DBT: variants seen among roughly 807,000 people sequenced by gnomAD.
DBT encodes the protein dihydrolipoamide branched chain transacylase E2.
A neutral mutation model predicts 51.3 loss-of-function variants in DBT; 40 were observed. That is an observed-to-expected ratio of 0.78 (90% CI 0.61 to 1.02). The LOEUF (loss-of-function observed/expected upper bound fraction) is 1.02. Among genes scored for constraint, DBT ranks in the 50% least tolerant of loss-of-function variants. The pLI is 0.00. For synonymous variants in DBT, 181 were observed against 190.4 expected (o/e 0.95, Z 0.41); for missense variants, 510 against 580.2 (o/e 0.88, Z 1.24).
At chr1:100,236,503 G>T (rs753977644) in intron 2 of DBT, among the ~76,000 whole-genome samples, 1 of 152,062 alleles carries the variant, frequency 6.6e-6, no homozygotes, top group African/African-American at 2.4e-5. Context: ...AGTTAAATTA[G>T]TAATAAAAAA....
Position 100,202,809 on chromosome 1 carries a change from T to A in DBT, c.1281+3421A>T, listed in dbSNP as rs1022612014. On this transcript the variant is annotated intron_variant, in intron 10 of 10. Coordinates refer to ENST00000370132, the MANE Select transcript of DBT (RefSeq NM_001918.5). ...ACCACACAACTACATGGAAACTAAA[T>A]AACTTGCTCTTGAATGACTGCTGGG... 6.6e-5 allele frequency among the ~76,000 whole-genome samples: 10 copies of A among 152,218 alleles called. 1 individual carries two copies. Among genetic ancestry groups the A allele is most frequent in the Non-Finnish European group, 1.3e-4 (9 of 67,998 alleles).
At chr1:100,246,044 A>G (rs1460746127) in intron 1 of DBT, among the ~76,000 whole-genome samples, 1 of 152,142 alleles carries the variant, frequency 6.6e-6, no homozygotes, top group Non-Finnish European at 1.5e-5. Context: ...CAGGTGGATC[A>G]CGAGGTCAAG....
Position 100,191,380 on chromosome 1 carries a change from T to C in DBT, c.*4875A>G, listed in dbSNP as rs1026371336. On this transcript the variant is annotated 3_prime_UTR_variant, in exon 11 of 11. Coordinates refer to ENST00000370132, the MANE Select transcript of DBT (RefSeq NM_001918.5). ...TGTAACAAACAGCTTCACAGTTTAA[T>C]AGTATCTTATGTATTTGCCTTCCAC... 3 of 152,210 alleles carry C rather than the reference T, an allele frequency of 2.0e-5. No individual in the cohort carries two copies. The highest frequency in any genetic ancestry group is 7.2e-5 in the African/African-American group (3 of 41,448). The allele number at this position is 152,210 out of a possible 1,614,324, so 9.4% of individuals were successfully genotyped here.
At chr1:100,217,754 A>T (rs10875281) in intron 5 of DBT, among the ~76,000 whole-genome samples, 120,909 of 152,204 alleles carry the variant, frequency 0.79, 49,493 homozygotes, top group East Asian at 0.95. Context: ...GGTTTTAGAT[A>T]AGTTAATCAA....
intron 8 of DBT, among the ~76,000 whole-genome samples, chr1:100,210,335 A>AAT (rs1477112260): frequency 7.9e-6 from 1 of 127,382 alleles, no homozygotes; most frequent in Non-Finnish European, 1.8e-5. Context: ...TAAGAAGAAG[A>AAT]AGAAGAAGAA....
intron 8 of DBT, among the ~76,000 whole-genome samples, chr1:100,210,122 G>A (rs1570810533): frequency 6.6e-6 from 1 of 151,768 alleles, no homozygotes; most frequent in Non-Finnish European, 1.5e-5. Flanking sequence ...ACCAGCCTGG[G>A]CAACATAATG....
At chr1:100,219,275 C>T (rs1662689801) in intron 4 of DBT, among the ~76,000 whole-genome samples, 1 of 152,000 alleles carries the variant, frequency 6.6e-6, no homozygotes, top group Non-Finnish European at 1.5e-5. Context: ...TTGCTTGAGC[C>T]CAGGAGGTCG....
chr1:100,206,258 A>G lies in DBT; in HGVS notation c.1253T>C (p.Val418Ala). ...FAKPVIMPPEVAIGALGSIKA... is the reference protein window; with the variant it reads ...FAKPVIMPPEAAIGALGSIKA... ...AATTGATCCAAGGGCCCCAATGGCT[A>G]CTTCAGGTGGCATTATCACTGGTTT... Residue 418 changes from valine (V) to alanine (A), a missense_variant, in exon 10 of 11, where the codon GTA (valine) becomes GCA (alanine). Coordinates refer to ENST00000370132, the MANE Select transcript of DBT (RefSeq NM_001918.5). 1.9e-6 allele frequency: 3 copies of G among 1,613,174 alleles called. No individual in the cohort carries two copies. Among genetic ancestry groups the G allele is most frequent in the Non-Finnish European group, 2.5e-6 (3 of 1,179,492 alleles).
intron 1 of DBT, among the ~76,000 whole-genome samples, chr1:100,243,733 C>T (rs1426114506): frequency 6.6e-6 from 1 of 152,002 alleles, no homozygotes; most frequent in African/African-American, 2.4e-5. Flanking sequence ...GGTCACACAG[C>T]AAATAAGTGG....
rs184852864 is a variant in DBT at position 100,223,620 on chromosome 1, C to G, written c.434-4873G>C. On this transcript the variant is annotated intron_variant, in intron 4 of 10. Coordinates refer to ENST00000370132, the MANE Select transcript of DBT (RefSeq NM_001918.5). Reference sequence around the variant, plus strand: ...TAGCTGGGACTACAGGTGTGCTCCACCACACTTGGCTAATTTTTAAAATTT... The same window carrying G: ...TAGCTGGGACTACAGGTGTGCTCCAGCACACTTGGCTAATTTTTAAAATTT... 2.7e-4 allele frequency among the ~76,000 whole-genome samples: 41 copies of G among 152,286 alleles called. 1 individual carries two copies. Among genetic ancestry groups the G allele is most frequent in the East Asian group, 1.2e-3 (6 of 5,188 alleles).
intron 4 of DBT, among the ~76,000 whole-genome samples, chr1:100,222,936 C>G (rs1455924284): frequency 6.6e-6 from 1 of 152,212 alleles, no homozygotes; most frequent in East Asian, 1.9e-4. Flanking sequence ...TATTTACACT[C>G]TCAATCAGCT....
chr1:100,244,574 G>A (rs1462739575), intron 1 of DBT, among the ~76,000 whole-genome samples: 1 of 152,052 alleles, frequency 6.6e-6, no homozygotes, highest in Non-Finnish European at 1.5e-5. Context: ...TATGTGCAGT[G>A]GACACGTTCA....
chr1:100,197,919 T>C (rs1428567827), intron 10 of DBT, among the ~76,000 whole-genome samples: 2 of 152,198 alleles, frequency 1.3e-5, no homozygotes, highest in African/African-American at 2.4e-5. Flanking sequence ...AATTAAATAC[T>C]ATTTGTCCCT....
rs1192649053 is a variant in DBT, at chr1:100,194,144, G to A, written c.*2111C>T. On this transcript the variant is annotated 3_prime_UTR_variant, in exon 11 of 11. Coordinates refer to ENST00000370132, the MANE Select transcript of DBT (RefSeq NM_001918.5). ...TATTATCTGAAATTTTACAACAACA[G>A]CATTTATTTGACCTGTTTTTTTTAT... 1 of 151,974 alleles carries A rather than the reference G, an allele frequency of 6.6e-6. No individual in the cohort carries two copies. The highest frequency in any genetic ancestry group is 2.4e-5 in the African/African-American group (1 of 41,390). 9.4% of individuals were successfully genotyped at this position (151,974 alleles called of 1,614,324 possible).
At chr1:100,225,696 A>G (rs1663154065) in intron 4 of DBT, among the ~76,000 whole-genome samples, 1 of 151,978 alleles carries the variant, frequency 6.6e-6, no homozygotes, top group African/African-American at 2.4e-5. Flanking sequence ...GTGGTGGCAC[A>G]TGCCTGGAAT....
At chr1:100,218,541 C>T in intron 5 of DBT, 85 bp downstream of exon 5, 2 of 1,449,390 alleles carry the variant, frequency 1.4e-6, no homozygotes, top group Non-Finnish European at 1.9e-6. Context: ...TGAGCTATTT[C>T]ATCATGGGAT....
chr1:100,196,111 A>G lies in DBT; in HGVS notation c.*144T>C, dbSNP rs941370359. The stretch of plus-strand genomic sequence containing the variant: ...TTTTCAGTAAAAAGTCTAATAGAAC[A>G]GTGACAAATATTGTGCCTTAGATCC... On this transcript the variant is annotated 3_prime_UTR_variant, in exon 11 of 11. Transcript: ENST00000370132. 21 of 759,676 alleles carry G rather than the reference A, an allele frequency of 2.8e-5. No homozygotes were observed. The highest frequency in any genetic ancestry group is 4.3e-5 in the Non-Finnish European group (19 of 445,354). The allele number at this position is 759,676 out of a possible 1,614,324, so 47.1% of individuals were successfully genotyped here.
intron 10 of DBT, among the ~76,000 whole-genome samples, chr1:100,203,786 G>T (rs533226920): frequency 6.6e-6 from 1 of 152,178 alleles, no homozygotes; most frequent in African/African-American, 2.4e-5. Flanking sequence ...AGGATGCAAG[G>T]CTGGTTCAAC....
chr1:100,228,323 G>C (rs1377448246), intron 4 of DBT, among the ~76,000 whole-genome samples: 1 of 152,034 alleles, frequency 6.6e-6, no homozygotes, highest in Non-Finnish European at 1.5e-5. Flanking sequence ...GGATAAACTA[G>C]ACTAAAAGAG....
Sources: gnomAD v4.1 joint callset for allele counts (sites outside exome capture counted in the v4.1 genomes callset) on GRCh38, gnomAD v4.1.1 for gene constraint, MANE v1.5 for transcripts, NCBI Gene and HGNC (gene_info 2026-07-23, HGNC 2026-07-21) for gene names.